PDE6B: variants seen among roughly 807,000 people sequenced by gnomAD.
The protein encoded by PDE6B is rod cGMP-specific 3',5'-cyclic phosphodiesterase subunit beta.
A neutral mutation model predicts 109.0 loss-of-function variants in PDE6B; 106 were observed. The observed-to-expected ratio is 0.97, with a 90% CI of 0.83 to 1.14. The LOEUF is 1.14. Among genes scored for constraint, PDE6B ranks in the 50% most tolerant of loss-of-function variants. The pLI is 0.00. For missense variants in PDE6B, 1,193 were observed against 1,155.6 expected (o/e 1.03, Z -0.47); for synonymous variants, 490 against 471.3 (o/e 1.04, Z -0.51).
chr4:654,784 TG>T, intron 5 of PDE6B, 39 bp from the exon 6 acceptor site: 1 of 1,056,628 alleles, frequency 9.5e-7, no homozygotes, highest in Non-Finnish European at 1.5e-6. Flanking sequence ...CCTCAGAGCT[TG>T]GCCAGGCAGC....
At chr4:630,950 T>C (rs1270640940) in intron 1 of PDE6B, among the ~76,000 whole-genome samples, 6 of 152,130 alleles carry the variant, frequency 3.9e-5, no homozygotes, top group African/African-American at 1.4e-4. Context: ...ATAAGGATGG[T>C]AACGGCAGCC....
intron 17 of PDE6B, 29 bp downstream of exon 17, chr4:664,250 G>A (rs1404787974): frequency 9.6e-6 from 12 of 1,246,476 alleles, no homozygotes; most frequent in Admixed American, 1.7e-5. Context: ...GGCACGAGGG[G>A]TCCTTCCCTC....
At chr4:629,053 G>A (rs972030586) in intron 1 of PDE6B, among the ~76,000 whole-genome samples, 2 of 151,970 alleles carry the variant, frequency 1.3e-5, no homozygotes, top group African/African-American at 2.4e-5. Flanking sequence ...CGGACACCAG[G>A]CCCCCCTCCA....
chr4:630,764 C>G (rs1734346330), intron 1 of PDE6B, among the ~76,000 whole-genome samples: 1 of 152,232 alleles, frequency 6.6e-6, no homozygotes, highest in African/African-American at 2.4e-5. Flanking sequence ...CTCTGGACCT[C>G]TAAGGAGCTG....
In PDE6B at chr4:665,020, G is replaced by C; in HGVS notation, c.2193+76G>C. ...GGACTGCCGGGCGGGCGGGAGCCTC[G>C]GATGGCAACGGACCATTGTTTGCAA... On this transcript the variant is annotated intron_variant, in intron 18 of 21. Coordinates refer to ENST00000496514, the MANE Select transcript of PDE6B (RefSeq NM_000283.4). This position sits in a 1 kb window ranked among gnomAD's most constrained non-coding sequence, Gnocchi z 4.0. The C allele has an allele frequency of 1.7e-6, 2 of 1,180,220 alleles. No individual in the cohort carries two copies. The highest frequency in any genetic ancestry group is 2.4e-5 in the East Asian group (1 of 42,354). 73.1% of individuals were successfully genotyped at this position (1,180,220 alleles called of 1,614,324 possible).
intron 3 of PDE6B, chr4:653,392 C>A: frequency 9.6e-7 from 1 of 1,041,638 alleles, no homozygotes; most frequent in Non-Finnish European, 1.2e-6. Flanking sequence ...TGAGTGGGGT[C>A]TGGCCAGGAC....
Position 663,300 on chromosome 4 carries a change from T to G in PDE6B, c.1920+113T>G, listed in dbSNP as rs936626745. On this transcript the variant is annotated intron_variant, in intron 15 of 21. Transcript: ENST00000496514. This position sits in a 1 kb window ranked among gnomAD's most constrained non-coding sequence, Gnocchi z 4.0. ...TCTGATGCAGCGGGTGAGCACTGGG[T>G]GTGTGAGCACTGGGGGAGGGCGGCA... is the stretch of plus-strand genomic sequence containing the variant. The G allele has an allele frequency of 3.5e-5, 26 of 738,528 alleles. No individual in the cohort carries two copies. In the African/African-American group the frequency reaches 3.7e-4, roughly 10 times the overall value. 45.7% of individuals were successfully genotyped at this position (738,528 alleles called of 1,614,324 possible). A position where few individuals can be genotyped will look rare whatever the true frequency, so the allele number is the denominator to read the frequency against.
intron 3 of PDE6B, among the ~76,000 whole-genome samples, chr4:641,424 C>A (rs565209094): frequency 2.2e-4 from 34 of 152,364 alleles, no homozygotes; most frequent in Admixed American, 2.0e-3. Context: ...AGCGCAGGAG[C>A]CAGGTCAGGC....
intron 9 of PDE6B, 90 bp downstream of exon 9, chr4:657,113 G>A: frequency 1.5e-6 from 2 of 1,375,958 alleles, no homozygotes; most frequent in Non-Finnish European, 2.1e-6. Context: ...CAAGCATTCG[G>A]CTGTGTGCGT....
In PDE6B at chr4:638,086, C is replaced by T. The variant is rs113919988; in HGVS notation, c.711+2117C>T. Among the ~76,000 whole-genome samples the T allele has an allele frequency of 9.4e-3, 1,437 of 152,282 alleles. 35 individuals are homozygous for T. Among genetic ancestry groups the T allele is most frequent in the African/African-American group, 0.033 (1,384 of 41,556 alleles). ...TTCCTTCCTGCCAGTGACGAGTGAGCGTTCCTGCTGCTCTGCACCCTCACC... is the reference window on the plus strand; with the variant it reads ...TTCCTTCCTGCCAGTGACGAGTGAGTGTTCCTGCTGCTCTGCACCCTCACC... On this transcript the variant is annotated intron_variant, in intron 3 of 21. Coordinates refer to ENST00000496514, the MANE Select transcript of PDE6B (RefSeq NM_000283.4).
chr4:654,821 C>CAGGAAATTGTCTTCTGCTTCTA lies in PDE6B; in HGVS notation c.940_941insGCTTCTAAGGAAATTGTCTTCT. Reference sequence around the variant, plus strand: ...CCCCCGACCAGTGTCTTCTGCTTCTCAGGAAATTGTCTTCTACAAAGTGAT... The same window carrying CAGGAAATTGTCTTCTGCTTCTA: ...CCCCCGACCAGTGTCTTCTGCTTCTCAGGAAATTGTCTTCTGCTTCTAAGGAAATTGTCTTCTACAAAGTGAT... On this transcript the variant is annotated splice_region_variant and splice_polypyrimidine_tract_variant and intron_variant, in intron 5 of 21. Coordinates refer to ENST00000496514, the MANE Select transcript of PDE6B (RefSeq NM_000283.4). The CAGGAAATTGTCTTCTGCTTCTA allele has an allele frequency of 6.6e-7, 1 of 1,519,824 alleles. No individual in the cohort carries two copies. Among genetic ancestry groups the CAGGAAATTGTCTTCTGCTTCTA allele is most frequent in the Non-Finnish European group, 9.1e-7 (1 of 1,093,892 alleles). The allele number at this position is 1,519,824 out of a possible 1,614,324, so 94.1% of individuals were successfully genotyped here.
At chr4:634,885 G>T in intron 2 of PDE6B, 56 bp downstream of exon 2, 1 of 1,495,364 alleles carries the variant, frequency 6.7e-7, no homozygotes, top group Non-Finnish European at 9.3e-7. Flanking sequence ...CTGCCTGCCC[G>T]CCCGCCTGTT....
intron 9 of PDE6B, 106 bp from the exon 10 acceptor site, chr4:657,245 G>A (rs1736386050): frequency 3.0e-6 from 4 of 1,343,864 alleles, no homozygotes; most frequent in African/African-American, 2.9e-5. Flanking sequence ...ACACCATGGT[G>A]GCAGCCCCAG....
Position 662,143 on chromosome 4 carries a change from C to A in PDE6B, c.1624C>A (p.Arg542=), listed in dbSNP as rs760042062. The A allele has an allele frequency of 1.9e-6, 3 of 1,549,784 alleles. No homozygotes were observed. Among genetic ancestry groups the A allele is most frequent in the Non-Finnish European group, 2.6e-6 (3 of 1,140,210 alleles). Residue 542 remains arginine (R), a synonymous_variant, in exon 13 of 22, where the codon CGG becomes AGG. Transcript: ENST00000496514. The surrounding 1 kb of genome is among the most constrained non-coding windows in gnomAD (Gnocchi z 4.3). ...KFQIPQEVLV[R]FLFSISKGYR... ...CTCTCGGCTCCCCCAGGTCCTGGTGCGGTTCCTGTTCTCCATCAGCAAAGG... is the reference window on the plus strand; with the variant it reads ...CTCTCGGCTCCCCCAGGTCCTGGTGAGGTTCCTGTTCTCCATCAGCAAAGG...
chr4:634,919 A>G (rs1577245275), intron 2 of PDE6B, 90 bp downstream of exon 2: 1 of 1,112,808 alleles, frequency 9.0e-7, no homozygotes, highest in Non-Finnish European at 1.4e-6. Flanking sequence ...CCACCTCTTT[A>G]CCTGCCTGCC....
At position 666,921 on chromosome 4, in the gene PDE6B, C is replaced by T. The variant is rs1490475324; in HGVS notation, c.2352+307C>T. ...ACCCCAGAAGTTCTCCCTCAGTGCC[C>T]TCCGCCGTGGCCAGCACACTGTTTT... On this transcript the variant is annotated intron_variant, in intron 20 of 21. Coordinates refer to ENST00000496514, the MANE Select transcript of PDE6B (RefSeq NM_000283.4). The surrounding 1 kb of genome is among the most constrained non-coding windows in gnomAD (Gnocchi z 5.6). 6.6e-6 allele frequency among the ~76,000 whole-genome samples: 1 copy of T among 152,340 alleles called. No homozygotes were observed. The highest frequency in any genetic ancestry group is 2.4e-5 in the African/African-American group (1 of 41,572).
At chr4:655,256 G>A (rs1206318817) in intron 6 of PDE6B, 9 of 344,600 alleles carry the variant, frequency 2.6e-5, no homozygotes, top group South Asian at 1.9e-4. Context: ...CCAGACAGTG[G>A]AGCCTCCAGC....
rs766896364 is a variant in PDE6B at position 659,052 on chromosome 4, C to T, written c.1467+35C>T. On this transcript the variant is annotated intron_variant, in intron 11 of 21. Transcript: ENST00000496514. ...TTGCTCCCGTCCCTCCCATGGAGGC[C>T]GGCCACGTGTGAGGCTGGGAGGAAG... 135 of 1,508,494 alleles carry T rather than the reference C, an allele frequency of 8.9e-5. No individual in the cohort carries two copies. In the East Asian group the frequency reaches 2.9e-3, roughly 32 times the overall value. 93.4% of individuals were successfully genotyped at this position (1,508,494 alleles called of 1,614,324 possible).
intron 21 of PDE6B, among the ~76,000 whole-genome samples, chr4:669,283 GCCACTACCCCATGCTAGTC>G (rs1394689821): frequency 6.2e-5 from 8 of 128,390 alleles, no homozygotes; most frequent in Non-Finnish European, 1.1e-4. Flanking sequence ...CCATGCTGCT[GCCACTACCCCATGCTAGTC>G]CCACTACCCC....
Sources: allele counts gnomAD v4.1 joint callset (sites outside exome capture counted in the v4.1 genomes callset), GRCh38; gene constraint gnomAD v4.1.1; non-coding constraint Gnocchi (gnomAD v3.1); transcripts MANE v1.5; gene names NCBI Gene and HGNC (gene_info 2026-07-23, HGNC 2026-07-21).